The following ARHGAP8 variants were observed in gnomAD, a reference collection of about 807,000 sequenced individuals.
ARHGAP8 encodes rho GTPase-activating protein 8.
Under a neutral mutation model 46.1 loss-of-function variants are expected in ARHGAP8, and 62 were observed. The ratio of observed to expected loss-of-function variants is 1.34; its 90% CI spans 1.10 to 1.66. The LOEUF (loss-of-function observed/expected upper bound fraction) is 1.66, where lower values mean the gene tolerates loss of function less well. ARHGAP8 is among the 40% of genes most tolerant of loss of function. ARHGAP8 has a pLI of 0.00. For missense variants in ARHGAP8, 923 were observed against 568.4 expected, an observed-to-expected ratio of 1.62 and a Z score of -6.34; for synonymous variants, 375 against 243.1, an observed-to-expected ratio of 1.54 and a Z score of -5.05.
At chr22:44,862,156 G>A in intron 11 of ARHGAP8, 119 bp from the exon 12 acceptor site, 2 of 1,247,146 alleles carry the variant, frequency 1.6e-6, no homozygotes, top group Non-Finnish European at 2.1e-6. Context: ...CTGGCTGCCG[G>A]CTCCCAGTCC....
At chr22:44,765,181 G>A (rs917426794) in intron 1 of ARHGAP8, 1 of 152,342 alleles carries the variant, frequency 6.6e-6, no homozygotes, top group African/African-American at 2.4e-5. Flanking sequence ...GCATGTGACA[G>A]GGAAGAGGAA....
At chr22:44,782,436 A>G (rs1299184547) in intron 1 of ARHGAP8, among the ~76,000 whole-genome samples, 1 of 152,176 alleles carries the variant, frequency 6.6e-6, no homozygotes, top group African/African-American at 2.4e-5. Flanking sequence ...CACCGCTGCT[A>G]GTTAGTTCCA....
intron 8 of ARHGAP8, 21 bp from the exon 9 acceptor site, chr22:44,847,952 C>T: frequency 6.2e-7 from 1 of 1,605,698 alleles, no homozygotes; most frequent in Non-Finnish European, 8.5e-7. Flanking sequence ...TGTGAGATGC[C>T]TGGAAGCTCC....
intron 7 of ARHGAP8, among the ~76,000 whole-genome samples, chr22:44,833,109 T>C (rs1269159166): frequency 1.3e-5 from 2 of 148,926 alleles, no homozygotes; most frequent in Admixed American, 6.7e-5. Context: ...TTTTTTTTTT[T>C]TTTTTGAGAT....
intron 1 of ARHGAP8, among the ~76,000 whole-genome samples, chr22:44,760,585 G>A (rs915687101): frequency 2.0e-5 from 3 of 152,168 alleles, no homozygotes; most frequent in Non-Finnish European, 2.9e-5. Context: ...CCTGCACATC[G>A]GACTTGCCAC....
intron 2 of ARHGAP8, among the ~76,000 whole-genome samples, chr22:44,791,871 C>G (rs956066886): frequency 6.6e-6 from 1 of 152,164 alleles, no homozygotes; most frequent in Non-Finnish European, 1.5e-5. Flanking sequence ...AAGCCACTCT[C>G]CACTTGGGTG....
chr22:44,846,197 T>G (rs1409782278), intron 8 of ARHGAP8, among the ~76,000 whole-genome samples: 1 of 152,228 alleles, frequency 6.6e-6, no homozygotes, highest in Non-Finnish European at 1.5e-5. Flanking sequence ...CCTTGGCTGC[T>G]GCCGTTTCTC....
At chr22:44,758,421 CAAAG>C (rs1383621102) in intron 1 of ARHGAP8, among the ~76,000 whole-genome samples, 2 of 152,072 alleles carry the variant, frequency 1.3e-5, no homozygotes, top group African/African-American at 4.8e-5. Context: ...GATTCTGTCT[CAAAG>C]AAAGGAGGCA....
rs530341522 is a variant in ARHGAP8 at position 44,786,240 on chromosome 22, G to A, written c.-71-217G>A. 29 of 649,352 alleles carry A rather than the reference G, an allele frequency of 4.5e-5. No homozygotes were observed. In the African/African-American group the frequency reaches 4.6e-4, roughly 10 times the overall value. 40.2% of individuals were successfully genotyped at this position (649,352 alleles called of 1,614,324 possible). A position where few individuals can be genotyped will look rare whatever the true frequency, so the allele number is the denominator to read the frequency against. On this transcript the variant is annotated intron_variant, in intron 1 of 11. Transcript: ENST00000356099. Reference sequence around the variant, plus strand: ...GATGTAGAGTGTATAATGGGTGCTCGGCTGAGGGAGGGCGCGTACTGGGTG... The same window carrying A: ...GATGTAGAGTGTATAATGGGTGCTCAGCTGAGGGAGGGCGCGTACTGGGTG...
intron 2 of ARHGAP8, among the ~76,000 whole-genome samples, chr22:44,798,837 C>T (rs1928283717): frequency 6.6e-6 from 1 of 152,084 alleles, no homozygotes. Context: ...GCAATCTCTG[C>T]TCACTGCAAC....
chr22:44,821,923 T>G (rs1207286040), intron 5 of ARHGAP8, among the ~76,000 whole-genome samples: 1 of 148,862 alleles, frequency 6.7e-6, no homozygotes, highest in Non-Finnish European at 1.5e-5. Flanking sequence ...TTAGAAGAGG[T>G]GGCCAAATGT....
At chr22:44,852,450 T>G (rs2070120922) in intron 10 of ARHGAP8, among the ~76,000 whole-genome samples, 1 of 152,162 alleles carries the variant, frequency 6.6e-6, no homozygotes, top group South Asian at 2.1e-4. Context: ...CACACCTGCC[T>G]TTCTTAGATT....
In ARHGAP8 at chr22:44,812,914, T is replaced by C. The variant is rs111336171; in HGVS notation, c.300-1758T>C. On this transcript the variant is annotated intron_variant, in intron 4 of 11. Transcript: ENST00000356099. ...TTTTATTCATTGAGTTACAATCCAT[T>C]ACTATCATTTTAATGATCAAATTGT... Among the ~76,000 whole-genome samples, 1,102 of 152,238 alleles carry C rather than the reference T, an allele frequency of 7.2e-3. 7 individuals carry two copies. The highest frequency in any genetic ancestry group is 0.024 in the African/African-American group (989 of 41,520).
chr22:44,860,150 T>C (rs548779357), intron 11 of ARHGAP8, among the ~76,000 whole-genome samples: 11 of 151,348 alleles, frequency 7.3e-5, no homozygotes, highest in East Asian at 2.0e-4. Flanking sequence ...GCTGAGTCTC[T>C]AGGAGGTGGG....
intron 1 of ARHGAP8, among the ~76,000 whole-genome samples, chr22:44,762,823 C>T (rs935088540): frequency 1.3e-5 from 2 of 152,126 alleles, no homozygotes; most frequent in African/African-American, 4.8e-5. Flanking sequence ...GGATTACAGG[C>T]ATGAGCCACC....
At chr22:44,855,948 A>G (rs1342665573) in intron 10 of ARHGAP8, among the ~76,000 whole-genome samples, 1 of 152,192 alleles carries the variant, frequency 6.6e-6, no homozygotes, top group Non-Finnish European at 1.5e-5. Flanking sequence ...GGCCTCAGGA[A>G]GCTTTCAATT....
At chr22:44,788,322 T>C (rs1443809348) in intron 2 of ARHGAP8, among the ~76,000 whole-genome samples, 2 of 152,172 alleles carry the variant, frequency 1.3e-5, no homozygotes, top group African/African-American at 4.8e-5. Flanking sequence ...TTTTGCCATG[T>C]TGGTCAGGCT....
intron 10 of ARHGAP8, among the ~76,000 whole-genome samples, chr22:44,855,131 A>G (rs2070190343): frequency 1.3e-5 from 2 of 152,236 alleles, no homozygotes; most frequent in African/African-American, 4.8e-5. Context: ...GATTTTATAA[A>G]TTAACTTGGT....
chr22:44,817,838 G>A (rs1203781389), intron 5 of ARHGAP8, among the ~76,000 whole-genome samples: 1 of 152,106 alleles, frequency 6.6e-6, no homozygotes, highest in Non-Finnish European at 1.5e-5. Context: ...TAGAGGGCGA[G>A]GCATGGTGGC....
Sources: gnomAD v4.1 joint callset for allele counts (sites outside exome capture counted in the v4.1 genomes callset) on GRCh38, gnomAD v4.1.1 for gene constraint, MANE v1.5 for transcripts, NCBI Gene and HGNC (gene_info 2026-07-23, HGNC 2026-07-21) for gene names.